CLEC16A: variants seen among roughly 807,000 people sequenced by gnomAD.
CLEC16A encodes C-type lectin domain containing 16A.
CLEC16A carries 51 observed loss-of-function variants against 109.5 expected under a neutral mutation model. The observed-to-expected ratio is 0.47, with a 90% CI of 0.37 to 0.59. The LOEUF (loss-of-function observed/expected upper bound fraction) is 0.59, where lower values mean the gene tolerates loss of function less well. Among genes scored for constraint, CLEC16A ranks in the 20% least tolerant of loss-of-function variants. The probability of loss-of-function intolerance (pLI) is 0.00; values close to 1 mark genes in which losing one functional copy is unlikely to be tolerated. For synonymous variants in CLEC16A, 673 were observed against 564.2 expected (o/e 1.19, Z -2.73); for missense variants, 1,339 against 1,394.0 (o/e 0.96, Z 0.63).
intron 21 of CLEC16A, 146 bp downstream of exon 21, chr16:11,124,092 A>C (rs1220209309): frequency 1.2e-6 from 1 of 803,252 alleles, no homozygotes; most frequent in Non-Finnish European, 1.9e-6. Context: ...AATACGAGGA[A>C]GTTCCATTTC....
chr16:11,020,429 C>T lies in CLEC16A; in HGVS notation c.1436+104C>T, dbSNP rs117039506. 115 of 1,344,958 alleles carry T rather than the reference C, an allele frequency of 8.6e-5. No individual in the cohort carries two copies. In the East Asian group the frequency reaches 1.1e-3, roughly 13 times the overall value. The allele number at this position is 1,344,958 out of a possible 1,614,324, so 83.3% of individuals were successfully genotyped here. A position where few individuals can be genotyped will look rare whatever the true frequency, so the allele number is the denominator to read the frequency against. On this transcript the variant is annotated intron_variant, in intron 12 of 23. Coordinates refer to ENST00000409790, the MANE Select transcript of CLEC16A (RefSeq NM_015226.3). ...CCAGAGCCTCTTCTGTCCCTCAGCCCGACCATGCTGCCTCCCTTTCTTTCC... is the reference window on the plus strand; with the variant it reads ...CCAGAGCCTCTTCTGTCCCTCAGCCTGACCATGCTGCCTCCCTTTCTTTCC...
chr16:11,121,877 C>A, intron 20 of CLEC16A, among the ~76,000 whole-genome samples: 1 of 72,108 alleles, frequency 1.4e-5, no homozygotes, highest in African/African-American at 5.7e-5. Flanking sequence ...GAGACCCTGT[C>A]TCAAAAAAAA....
At chr16:11,053,756 C>G (rs2048069364) in intron 18 of CLEC16A, among the ~76,000 whole-genome samples, 1 of 152,152 alleles carries the variant, frequency 6.6e-6, no homozygotes, top group Non-Finnish European at 1.5e-5. Context: ...ACAAGTCAGC[C>G]CAGGCAATGT....
At chr16:10,990,647 C>T (rs2043951886) in intron 10 of CLEC16A, among the ~76,000 whole-genome samples, 1 of 152,210 alleles carries the variant, frequency 6.6e-6, no homozygotes, top group African/African-American at 2.4e-5. Flanking sequence ...GGGAAGAAGC[C>T]TTGTGACTTA....
chr16:11,119,014 T>C (rs1174285019), intron 19 of CLEC16A, among the ~76,000 whole-genome samples: 5 of 152,198 alleles, frequency 3.3e-5, no homozygotes, highest in African/African-American at 7.2e-5. Flanking sequence ...CTTTTTGTTA[T>C]TTTTTGAGAC....
chr16:11,088,830 G>T (rs533164444), intron 19 of CLEC16A, among the ~76,000 whole-genome samples: 2 of 152,226 alleles, frequency 1.3e-5, no homozygotes, highest in Non-Finnish European at 2.9e-5. Flanking sequence ...TCCTGCCGTT[G>T]AGTTAGTAAT....
At chr16:11,132,433 C>T (rs988029098) in intron 22 of CLEC16A, among the ~76,000 whole-genome samples, 32 of 152,036 alleles carry the variant, frequency 2.1e-4, no homozygotes, top group African/African-American at 7.3e-4. Flanking sequence ...TATGGATAGA[C>T]GTTGTTTTGC....
At chr16:11,074,963 A>C (rs1325126970) in intron 19 of CLEC16A, among the ~76,000 whole-genome samples, 1 of 152,170 alleles carries the variant, frequency 6.6e-6, no homozygotes, top group East Asian at 1.9e-4. Flanking sequence ...GCTTGAGCCC[A>C]GGAGTTGGAG....
chr16:10,948,109 G>T (rs914603448), intron 1 of CLEC16A, among the ~76,000 whole-genome samples: 2 of 152,214 alleles, frequency 1.3e-5, no homozygotes, highest in African/African-American at 2.4e-5. Flanking sequence ...TAGCCAGGAT[G>T]GTCTCGATCT....
chr16:11,142,760 G>T (rs1011471886), intron 22 of CLEC16A, among the ~76,000 whole-genome samples: 1 of 152,238 alleles, frequency 6.6e-6, no homozygotes, highest in Non-Finnish European at 1.5e-5. Context: ...ACAGAGGTAG[G>T]CTTCTGAGGA....
At chr16:10,989,425 G>C (rs1318548015) in intron 10 of CLEC16A, among the ~76,000 whole-genome samples, 2 of 151,940 alleles carry the variant, frequency 1.3e-5, no homozygotes, top group Non-Finnish European at 1.5e-5. Context: ...TGTGGAGATG[G>C]GGTTTCGCCG....
chr16:11,088,283 A>G (rs763643539), intron 19 of CLEC16A, among the ~76,000 whole-genome samples: 1 of 152,194 alleles, frequency 6.6e-6, no homozygotes, highest in Non-Finnish European at 1.5e-5. Flanking sequence ...AGGTCACATG[A>G]CCAGCCCAAG....
At chr16:11,086,430 T>C (rs1371607207) in intron 19 of CLEC16A, among the ~76,000 whole-genome samples, 2 of 152,262 alleles carry the variant, frequency 1.3e-5, no homozygotes, top group Admixed American at 1.3e-4. Context: ...TTAACAGTGC[T>C]TTGCTATATG....
chr16:11,138,900 G>A (rs1437852465), intron 22 of CLEC16A, among the ~76,000 whole-genome samples: 1 of 152,036 alleles, frequency 6.6e-6, no homozygotes, highest in African/African-American at 2.4e-5. Context: ...AAGTGCCCTT[G>A]CGCAAGGGTT....
intron 13 of CLEC16A, among the ~76,000 whole-genome samples, chr16:11,026,188 A>G (rs2046394710): frequency 6.6e-6 from 1 of 152,208 alleles, no homozygotes; most frequent in South Asian, 2.1e-4. Flanking sequence ...ACCTAATAGA[A>G]TGAATTGAGA....
At chr16:10,983,487 G>T (rs558164731) in intron 10 of CLEC16A, among the ~76,000 whole-genome samples, 7 of 152,306 alleles carry the variant, frequency 4.6e-5, no homozygotes, top group African/African-American at 1.7e-4. Flanking sequence ...GTTTTTTCAT[G>T]TTTCTAGAGA....
At chr16:10,949,205 G>A (rs975927535) in intron 1 of CLEC16A, among the ~76,000 whole-genome samples, 14 of 152,172 alleles carry the variant, frequency 9.2e-5, no homozygotes, top group African/African-American at 3.4e-4. Context: ...TTTGGCTAAG[G>A]TGGCACTGAC....
chr16:11,174,809 C>T lies in CLEC16A; in HGVS notation c.2807-3526C>T, dbSNP rs1757330749. ...TGACCGGAAGCCAAGAGCCATTTCCCTCATAGACACATGGATGGATGTGGC... is the reference window on the plus strand; with the variant it reads ...TGACCGGAAGCCAAGAGCCATTTCCTTCATAGACACATGGATGGATGTGGC... On this transcript the variant is annotated intron_variant, in intron 23 of 23. Transcript: ENST00000409790. The surrounding 1 kb of genome is among the most constrained non-coding windows in gnomAD (Gnocchi z 4.7). 6.6e-6 allele frequency among the ~76,000 whole-genome samples: 1 copy of T among 152,250 alleles called. No individual in the cohort carries two copies. Among genetic ancestry groups the T allele is most frequent in the Non-Finnish European group, 1.5e-5 (1 of 68,040 alleles).
chr16:11,027,627 A>C, intron 13 of CLEC16A: 1 of 1,558,300 alleles, frequency 6.4e-7, no homozygotes, highest in African/African-American at 1.3e-5. Context: ...TTTCCAGGAG[A>C]TCTCATGGTT....
Sources: allele counts gnomAD v4.1 joint callset (sites outside exome capture counted in the v4.1 genomes callset), GRCh38; gene constraint gnomAD v4.1.1; non-coding constraint Gnocchi (gnomAD v3.1); transcripts MANE v1.5; gene names NCBI Gene and HGNC (gene_info 2026-07-23, HGNC 2026-07-21).